The following TAMM41 variants were observed in gnomAD, a reference collection of about 807,000 sequenced individuals.
The protein encoded by TAMM41 is phosphatidate cytidylyltransferase, mitochondrial.
Under a neutral mutation model 44.1 loss-of-function variants are expected in TAMM41, and 36 were observed. The ratio of observed to expected loss-of-function variants is 0.82; its 90% CI spans 0.63 to 1.08. TAMM41 has a LOEUF of 1.08. Ranked by LOEUF, TAMM41 falls within the 50% of genes least tolerant of loss-of-function variation. The pLI is 0.00. For synonymous variants in TAMM41, 164 were observed against 153.1 expected (o/e 1.07, Z -0.53); for missense variants, 417 against 404.3 (o/e 1.03, Z -0.27).
the TAMM41 span, among the ~76,000 whole-genome samples, chr3:11,779,825 C>T: frequency 0.01 from 1,570 of 152,312 alleles, 18 homozygotes; most frequent in Non-Finnish European, 0.017. Context: ...GACCCGAATT[C>T]ATCACCATCC....
the TAMM41 span, among the ~76,000 whole-genome samples, chr3:11,783,628 A>T: frequency 1.3e-5 from 2 of 152,230 alleles, no homozygotes; most frequent in Non-Finnish European, 2.9e-5. Flanking sequence ...ATAAGTGAGT[A>T]TAAGATTCAT....
rs528451808 is a variant in TAMM41 at position 11,817,255 on chromosome 3, G to A, written c.645C>T (p.Leu215=). ...VKPNIAHFRE[L]YGSILQENPQ... is the part of the protein sequence containing the mutation. ...GATTTTCCTGTAGTATGCTGCCATA[G>A]AGCTCTCGAAAGTGGGCTATATTGG... Residue 215 remains leucine, a synonymous_variant, in exon 5 of 8, where the codon CTC becomes CTT. Transcript: ENST00000455809. 4.4e-5 allele frequency: 71 copies of A among 1,613,490 alleles called. No homozygotes were observed. The South Asian group carries it at 7.7e-4, about 17-fold the overall frequency.
the TAMM41 span, among the ~76,000 whole-genome samples, chr3:11,731,435 C>T: frequency 1.3e-5 from 2 of 152,048 alleles, no homozygotes; most frequent in Admixed American, 1.3e-4. Flanking sequence ...GTTGAGGCTG[C>T]AGTGAGCCGT....
chr3:11,808,497 T>G (rs1460299080), intron 6 of TAMM41: 1 of 985,790 alleles, frequency 1.0e-6, no homozygotes, highest in Non-Finnish European at 1.2e-6. Context: ...GAGCGCCTGC[T>G]GCAGCTCATC....
intron 4 of TAMM41, among the ~76,000 whole-genome samples, chr3:11,817,555 G>A (rs949317944): frequency 6.6e-6 from 1 of 152,192 alleles, no homozygotes; most frequent in African/African-American, 2.4e-5. Context: ...AGCCCTTTAT[G>A]CCAGTTAAAT....
intron 4 of TAMM41, 52 bp from the exon 5 acceptor site, chr3:11,817,389 G>A (rs962859255): frequency 2.6e-6 from 4 of 1,566,338 alleles, no homozygotes; most frequent in African/African-American, 1.4e-5. Context: ...CCACACTCTC[G>A]ACCTATGAAC....
chr3:11,761,639 G>C, the TAMM41 span, among the ~76,000 whole-genome samples: 1 of 152,022 alleles, frequency 6.6e-6, no homozygotes, highest in Non-Finnish European at 1.5e-5. Context: ...GTGCATGTGC[G>C]TATTTGAATA....
chr3:11,763,209 GC>G, the TAMM41 span, among the ~76,000 whole-genome samples: 1 of 152,158 alleles, frequency 6.6e-6, no homozygotes, highest in Non-Finnish European at 1.5e-5. Flanking sequence ...CCTGATCATG[GC>G]TCACTGCAGC....
At chr3:11,822,422 C>T (rs2078559696) in intron 4 of TAMM41, among the ~76,000 whole-genome samples, 1 of 152,132 alleles carries the variant, frequency 6.6e-6, no homozygotes, top group Non-Finnish European at 1.5e-5. Context: ...TTCCAGCCTC[C>T]CTACAAGAAA....
chr3:11,768,364 C>T, the TAMM41 span, among the ~76,000 whole-genome samples: 1 of 152,050 alleles, frequency 6.6e-6, no homozygotes, highest in Non-Finnish European at 1.5e-5. Flanking sequence ...TCTCAAACTC[C>T]TGGGTTCAAG....
At chr3:11,743,456 C>G in the TAMM41 span, among the ~76,000 whole-genome samples, 1 of 151,934 alleles carries the variant, frequency 6.6e-6, no homozygotes, top group Non-Finnish European at 1.5e-5. Context: ...GCCTCAGCCT[C>G]CCAATTAGCT....
rs1188062402 is a variant in TAMM41 at position 11,803,164 on chromosome 3, C to T, written c.937+4669G>A. Among the ~76,000 whole-genome samples, 10 of 152,228 alleles carry T rather than the reference C, an allele frequency of 6.6e-5. No individual in the cohort carries two copies. The East Asian group carries it at 9.7e-4, about 15-fold the overall frequency. ...ATGCATGCCTGTAGTCCCAGCTACT[C>T]GGGAGGCTGAGGCAGTAGAATTGCT... On this transcript the variant is annotated intron_variant, in intron 7 of 7. Transcript: ENST00000455809.
the TAMM41 span, among the ~76,000 whole-genome samples, chr3:11,773,446 C>T: frequency 6.6e-6 from 1 of 152,038 alleles, no homozygotes; most frequent in Admixed American, 6.6e-5. Flanking sequence ...GTCTTGAACT[C>T]CTGGCCTCAA....
At chr3:11,822,009 A>G (rs1242019769) in intron 4 of TAMM41, among the ~76,000 whole-genome samples, 1 of 152,206 alleles carries the variant, frequency 6.6e-6, no homozygotes, top group Non-Finnish European at 1.5e-5. Context: ...TATGAGGTGT[A>G]TATGAAACAT....
At chr3:11,830,490 T>C (rs2078936545) in intron 3 of TAMM41, among the ~76,000 whole-genome samples, 1 of 152,220 alleles carries the variant, frequency 6.6e-6, no homozygotes, top group East Asian at 1.9e-4. Context: ...GTAAAGTGCC[T>C]AGAATACTAG....
chr3:11,799,407 C>A (rs374242105), intron 7 of TAMM41, among the ~76,000 whole-genome samples: 1 of 152,158 alleles, frequency 6.6e-6, no homozygotes, highest in East Asian at 1.9e-4. Context: ...CTAGTCTCTG[C>A]GGCTCACAAA....
the TAMM41 span, among the ~76,000 whole-genome samples, chr3:11,772,596 G>C: frequency 6.6e-6 from 1 of 151,838 alleles, no homozygotes; most frequent in Admixed American, 6.6e-5. Context: ...TCTGATCCTT[G>C]GTTGATGGAC....
chr3:11,733,299 T>C, the TAMM41 span, among the ~76,000 whole-genome samples: 2 of 151,832 alleles, frequency 1.3e-5, no homozygotes, highest in Admixed American at 6.6e-5. Flanking sequence ...GCACCAAGCC[T>C]GTGTGAGTTC....
At chr3:11,838,669 T>C (rs1259812467) in intron 3 of TAMM41, among the ~76,000 whole-genome samples, 4 of 152,064 alleles carry the variant, frequency 2.6e-5, no homozygotes, top group Non-Finnish European at 5.9e-5. Context: ...AGCACCTTGA[T>C]GTGCTTACCA....
Sources: allele counts gnomAD v4.1 joint callset (sites outside exome capture counted in the v4.1 genomes callset), GRCh38; gene constraint gnomAD v4.1.1; transcripts MANE v1.5; gene names NCBI Gene and HGNC (gene_info 2026-07-23, HGNC 2026-07-21).